The following BAG2 variants were observed in gnomAD, a reference collection of about 807,000 sequenced individuals.
BAG2 encodes BAG cochaperone 2, also known as BAG family molecular chaperone regulator 2.
Under a neutral mutation model 16.4 loss-of-function variants are expected in BAG2, and 8 were observed. The ratio of observed to expected loss-of-function variants is 0.49; its 90% CI spans 0.29 to 0.88. The LOEUF is 0.88. BAG2 is among the 40% of genes least tolerant of loss of function. The pLI is 0.09. For synonymous variants in BAG2, 82 were observed against 89.2 expected, an observed-to-expected ratio of 0.92 and a Z score of 0.46; for missense variants, 218 against 248.9, an observed-to-expected ratio of 0.88 and a Z score of 0.84.
At position 57,172,664 on chromosome 6, in the gene BAG2, G is replaced by A; in HGVS notation, c.-34G>A. 6.8e-7 allele frequency: 1 copy of A among 1,465,014 alleles called. No individual in the cohort carries two copies. Among genetic ancestry groups the A allele is most frequent in the Non-Finnish European group, 9.1e-7 (1 of 1,098,136 alleles). The allele number at this position is 1,465,014 out of a possible 1,614,324, so 90.8% of individuals were successfully genotyped here. On this transcript the variant is annotated 5_prime_UTR_variant, in exon 1 of 3. It adds an upstream start codon to the 5' untranslated region. Coordinates refer to ENST00000370693, the MANE Select transcript of BAG2 (RefSeq NM_004282.4). ...CCACTCGCTGCCGCCGGAGGGGCCG[G>A]TGACCTCTTGGCTACCCCGCGTCGG...
intron 1 of BAG2, among the ~76,000 whole-genome samples, chr6:57,180,503 A>G (rs1031145642): frequency 1.3e-5 from 2 of 152,132 alleles, no homozygotes; most frequent in African/African-American, 4.8e-5. Context: ...TGCATGGCAT[A>G]GAGATTTTAG....
intron 1 of BAG2, 81 bp downstream of exon 1, chr6:57,172,891 G>A (rs1017899708): frequency 1.6e-6 from 2 of 1,237,534 alleles, no homozygotes; most frequent in Admixed American, 3.7e-5. Context: ...GAGGCCGCGT[G>A]TGGCGGGCCG....
At chr6:57,173,221 GT>G in intron 1 of BAG2, 1 of 988,246 alleles carries the variant, frequency 1.0e-6, no homozygotes, top group East Asian at 1.1e-4. Context: ...TACTCTTCTC[GT>G]TATGCATTTT....
At chr6:57,180,768 C>CA (rs201906351) in intron 1 of BAG2, among the ~76,000 whole-genome samples, 5,521 of 100,488 alleles carry the variant, frequency 0.055, 141 homozygotes, top group African/African-American at 0.099. Context: ...CGCCATAAGG[C>CA]AAAAAAAAAA....
intron 1 of BAG2, among the ~76,000 whole-genome samples, chr6:57,176,721 T>C (rs1333447131): frequency 6.6e-6 from 1 of 152,220 alleles, no homozygotes; most frequent in African/African-American, 2.4e-5. Flanking sequence ...TAAAGTTTCA[T>C]GTTAGGGTGT....
At chr6:57,173,527 G>C (rs1253364374) in intron 1 of BAG2, 1 of 973,636 alleles carries the variant, frequency 1.0e-6, no homozygotes, top group East Asian at 1.1e-4. Context: ...AGCATGAAAA[G>C]ATAGTTTTCC....
At chr6:57,172,831 C>CA (rs1271211018) in intron 1 of BAG2, 21 bp downstream of exon 1, 1 of 1,462,686 alleles carries the variant, frequency 6.8e-7, no homozygotes, top group Non-Finnish European at 9.1e-7. Flanking sequence ...GGCGGGCGGT[C>CA]TCGGGCGTTC....
At chr6:57,179,073 A>G (rs559059481) in intron 1 of BAG2, among the ~76,000 whole-genome samples, 1 of 152,324 alleles carries the variant, frequency 6.6e-6, no homozygotes, top group Non-Finnish European at 1.5e-5. Context: ...TATCAATCAC[A>G]TGATTCACCT....
chr6:57,174,139 C>G (rs1329549412), intron 1 of BAG2: 1 of 1,000,606 alleles, frequency 1.0e-6, no homozygotes, highest in African/African-American at 1.7e-5. Flanking sequence ...AAAAGTAGAG[C>G]GAAAGTAGAA....
chr6:57,181,827 G>A (rs897838339), intron 1 of BAG2, among the ~76,000 whole-genome samples: 3 of 152,128 alleles, frequency 2.0e-5, no homozygotes, highest in Admixed American at 1.3e-4. Flanking sequence ...AGATAAACAC[G>A]AAAGAATGAT....
intron 1 of BAG2, among the ~76,000 whole-genome samples, chr6:57,175,062 CAATA>C (rs1369978091): frequency 6.6e-6 from 1 of 152,188 alleles, no homozygotes; most frequent in Non-Finnish European, 1.5e-5. Context: ...TGGAATTTAT[CAATA>C]CAGTAGCCCT....
At chr6:57,183,272 C>G (rs915225779) in intron 2 of BAG2, among the ~76,000 whole-genome samples, 1 of 152,198 alleles carries the variant, frequency 6.6e-6, no homozygotes, top group Non-Finnish European at 1.5e-5. Flanking sequence ...AGACTTTAGA[C>G]CACTGTCCTG....
At position 57,188,348 on chromosome 6, in the gene BAG2, CTT is replaced by C. The variant is rs1197040378; in HGVS notation, c.*4159_*4160del. ...ATTCAAATATGTAACAAAGCTCTCTCTTCAGTTCTTATTTAAAAAAAGATAAA... is the reference window on the plus strand; with the variant it reads ...ATTCAAATATGTAACAAAGCTCTCTCCAGTTCTTATTTAAAAAAAGATAAA... On this transcript the variant is annotated 3_prime_UTR_variant, in exon 3 of 3. Coordinates refer to ENST00000370693, the MANE Select transcript of BAG2 (RefSeq NM_004282.4). 6.6e-5 allele frequency: 10 copies of C among 152,044 alleles called. No homozygotes were observed. Among genetic ancestry groups the C allele is most frequent in the Admixed American group, 1.3e-4 (2 of 15,266 alleles). 9.4% of individuals were successfully genotyped at this position (152,044 alleles called of 1,614,324 possible). A position where few individuals can be genotyped will look rare whatever the true frequency, so the allele number is the denominator to read the frequency against.
At position 57,187,534 on chromosome 6, in the gene BAG2, A is replaced by C. The variant is rs146429095; in HGVS notation, c.*3344A>C. The C allele has an allele frequency of 7.9e-5, 12 of 152,320 alleles. No individual in the cohort carries two copies. Among genetic ancestry groups the C allele is most frequent in the Non-Finnish European group, 1.5e-4 (10 of 68,022 alleles). 9.4% of individuals were successfully genotyped at this position (152,320 alleles called of 1,614,324 possible). A position where few individuals can be genotyped will look rare whatever the true frequency, so the allele number is the denominator to read the frequency against. On this transcript the variant is annotated 3_prime_UTR_variant, in exon 3 of 3. Transcript: ENST00000370693. ...CATCAATGCATTTTGTTTTCAGAGAAACAGACTAATGATAGATTAATGGGA... is the reference window on the plus strand; with the variant it reads ...CATCAATGCATTTTGTTTTCAGAGACACAGACTAATGATAGATTAATGGGA...
chr6:57,185,555 G>T lies in BAG2; in HGVS notation c.*1365G>T, dbSNP rs1018376178. The T allele has an allele frequency of 2.6e-5, 4 of 152,162 alleles. No individual in the cohort carries two copies. Among genetic ancestry groups the T allele is most frequent in the Non-Finnish European group, 5.9e-5 (4 of 68,024 alleles). The allele number at this position is 152,162 out of a possible 1,614,324, so 9.4% of individuals were successfully genotyped here. The stretch of plus-strand genomic sequence containing the variant: ...TGCCAAGTTAGTCTCTTTATAAAAA[G>T]CAGTTACAATCTGAAGACATTCATG... On this transcript the variant is annotated 3_prime_UTR_variant, in exon 3 of 3. Transcript: ENST00000370693.
intron 2 of BAG2, among the ~76,000 whole-genome samples, chr6:57,182,868 C>G (rs1764506630): frequency 6.6e-6 from 1 of 152,144 alleles, no homozygotes; most frequent in Admixed American, 6.5e-5. Flanking sequence ...CCAAGCTGGT[C>G]TCAAACTCCT....
Position 57,184,342 on chromosome 6 carries a change from G to A in BAG2, c.*152G>A. ...GAAAATATTCCATCAAGTATCTTCA[G>A]TTTTGTGAATAACAAAACTAGCAAT... On this transcript the variant is annotated 3_prime_UTR_variant, in exon 3 of 3. Transcript: ENST00000370693. The A allele has an allele frequency of 1.5e-6, 1 of 656,942 alleles. No individual in the cohort carries two copies. The highest frequency in any genetic ancestry group is 2.2e-6 in the Non-Finnish European group (1 of 446,936). The allele number at this position is 656,942 out of a possible 1,614,324, so 40.7% of individuals were successfully genotyped here.
chr6:57,184,310 A>C lies in BAG2; in HGVS notation c.*120A>C. On this transcript the variant is annotated 3_prime_UTR_variant, in exon 3 of 3. Transcript: ENST00000370693. ...CTTAGTTGACACTGATAGTTGTTTC[A>C]GATGAGGAAAATATTCCATCAAGTA... The C allele has an allele frequency of 1.1e-6, 1 of 927,576 alleles. No homozygotes were observed. The highest frequency in any genetic ancestry group is 1.5e-6 in the Non-Finnish European group (1 of 685,986). 57.5% of individuals were successfully genotyped at this position (927,576 alleles called of 1,614,324 possible). A position where few individuals can be genotyped will look rare whatever the true frequency, so the allele number is the denominator to read the frequency against.
At chr6:57,179,705 G>A (rs1156805663) in intron 1 of BAG2, among the ~76,000 whole-genome samples, 1 of 152,146 alleles carries the variant, frequency 6.6e-6, no homozygotes, top group Non-Finnish European at 1.5e-5. Context: ...TATAGAACAT[G>A]TTAAATATAC....
Sources: gnomAD v4.1 joint callset for allele counts (sites outside exome capture counted in the v4.1 genomes callset) on GRCh38, gnomAD v4.1.1 for gene constraint, MANE v1.5 for transcripts, NCBI Gene and HGNC (gene_info 2026-07-23, HGNC 2026-07-21) for gene names.